The following MAP3K7 variants were observed in gnomAD, a reference collection of about 807,000 sequenced individuals.
MAP3K7 encodes TGF-beta activated kinase 1.
MAP3K7 carries 21 observed loss-of-function variants against 84.8 expected under a neutral mutation model. The ratio of observed to expected loss-of-function variants is 0.25; its 90% CI spans 0.18 to 0.36. The LOEUF (loss-of-function observed/expected upper bound fraction) is 0.36, where lower values mean the gene tolerates loss of function less well. Ranked by LOEUF, MAP3K7 falls within the 10% of genes least tolerant of loss-of-function variation. The pLI is 1.00. For synonymous variants in MAP3K7, 241 were observed against 247.7 expected (o/e 0.97, Z 0.25); for missense variants, 503 against 747.7 (o/e 0.67, Z 3.82).
At chr6:90,547,926 A>G in intron 10 of MAP3K7, 121 bp downstream of exon 10, 1 of 769,974 alleles carries the variant, frequency 1.3e-6, no homozygotes, top group Middle Eastern at 4.0e-4. Flanking sequence ...GCTCTTTTGC[A>G]TGTTTCAGGA....
intron 14 of MAP3K7, among the ~76,000 whole-genome samples, chr6:90,520,049 C>T (rs957582455): frequency 2.0e-5 from 3 of 152,002 alleles, no homozygotes; most frequent in African/African-American, 7.2e-5. Flanking sequence ...GGTAAAACTG[C>T]CATACAACTT....
rs757425107 is a variant in MAP3K7 at position 90,561,619 on chromosome 6, C to T, written c.343+3G>A. The T allele has an allele frequency of 1.2e-5, 19 of 1,604,958 alleles. No homozygotes were observed. In the East Asian group the frequency reaches 4.2e-4, roughly 36 times the overall value. ...AGATAAAGACAGGTCTAATGACACT[C>T]ACCATTATATAAAGAGCCCCCTTCA... On this transcript the variant is annotated splice_donor_region_variant and intron_variant, in intron 4 of 16. Transcript: ENST00000369329.
chr6:90,572,607 C>A (rs780474038), intron 1 of MAP3K7, among the ~76,000 whole-genome samples: 40 of 150,858 alleles, frequency 2.7e-4, no homozygotes, highest in Non-Finnish European at 5.2e-4. Context: ...ATGGTGGTGG[C>A]TGACAACCTG....
intron 12 of MAP3K7, among the ~76,000 whole-genome samples, chr6:90,538,014 G>A (rs1775734282): frequency 1.3e-5 from 2 of 151,986 alleles, no homozygotes; most frequent in South Asian, 4.1e-4. Context: ...TAGGTGGAAG[G>A]ATAGGAGAAA....
At chr6:90,551,096 T>C (rs1010460563) in intron 8 of MAP3K7, 5 of 152,578 alleles carry the variant, frequency 3.3e-5, no homozygotes, top group East Asian at 1.9e-4. Context: ...CAATAACTTA[T>C]ATATCCTAAA....
chr6:90,584,653 A>T (rs1777383163), intron 1 of MAP3K7, among the ~76,000 whole-genome samples: 2 of 152,180 alleles, frequency 1.3e-5, no homozygotes, highest in South Asian at 4.1e-4. Flanking sequence ...CTGAATCAAG[A>T]ATGTAAAAAG....
chr6:90,518,258 C>G (rs1775034154), intron 16 of MAP3K7, among the ~76,000 whole-genome samples, 189 bp downstream of exon 16: 1 of 151,640 alleles, frequency 6.6e-6, no homozygotes, highest in Admixed American at 6.6e-5. Flanking sequence ...TTTTCCATAG[C>G]ACTAATATGA....
At chr6:90,548,242 A>T in intron 9 of MAP3K7, 65 bp from the exon 10 acceptor site, 1 of 1,377,830 alleles carries the variant, frequency 7.3e-7, no homozygotes, top group South Asian at 1.4e-5. Context: ...ACTTGGTATT[A>T]TGTAACTTAC....
intron 12 of MAP3K7, chr6:90,542,354 C>G (rs942091754): frequency 2.0e-6 from 2 of 984,052 alleles, no homozygotes; most frequent in Non-Finnish European, 1.2e-6. Flanking sequence ...TGTTTGATAT[C>G]TGAGGGGGGA....
At chr6:90,572,158 G>A in intron 1 of MAP3K7, among the ~76,000 whole-genome samples, 1 of 151,218 alleles carries the variant, frequency 6.6e-6, no homozygotes, top group South Asian at 2.1e-4. Flanking sequence ...GACAGAAGAT[G>A]ATATGGAAAA....
chr6:90,548,003 C>A, intron 10 of MAP3K7, 44 bp downstream of exon 10: 1 of 1,521,784 alleles, frequency 6.6e-7, no homozygotes. Context: ...AATATTGTGA[C>A]TACTGGTAAG....
At chr6:90,532,254 G>A (rs1775533412) in intron 13 of MAP3K7, among the ~76,000 whole-genome samples, 1 of 152,160 alleles carries the variant, frequency 6.6e-6, no homozygotes, top group Non-Finnish European at 1.5e-5. Context: ...GAACGCTGGT[G>A]GATTTTACTT....
In MAP3K7 at chr6:90,514,901, T is replaced by C. The variant is rs1490186094; in HGVS notation, c.*1600A>G. ...TTTAAATTAAATGACAGAAGACATT[T>C]ATTTCCAGGAAGCTTTCTAAAATAG... is the stretch of plus-strand genomic sequence containing the variant. On this transcript the variant is annotated 3_prime_UTR_variant, in exon 17 of 17. Transcript: ENST00000369329. 6.6e-6 allele frequency: 1 copy of C among 152,050 alleles called. No individual in the cohort carries two copies. Among genetic ancestry groups the C allele is most frequent in the Non-Finnish European group, 1.5e-5 (1 of 67,938 alleles). The allele number at this position is 152,050 out of a possible 1,614,324, so 9.4% of individuals were successfully genotyped here. A position where few individuals can be genotyped will look rare whatever the true frequency, so the allele number is the denominator to read the frequency against.
chr6:90,554,910 G>T (rs1582206905), intron 6 of MAP3K7, among the ~76,000 whole-genome samples: 1 of 152,136 alleles, frequency 6.6e-6, no homozygotes, highest in African/African-American at 2.4e-5. Context: ...CTCCACTCAG[G>T]TGACTAGTTG....
intron 6 of MAP3K7, among the ~76,000 whole-genome samples, chr6:90,555,644 C>T (rs912661260): frequency 6.6e-6 from 1 of 152,166 alleles, no homozygotes; most frequent in Non-Finnish European, 1.5e-5. Context: ...ACAGTTAATT[C>T]TCATTATTCC....
At chr6:90,531,770 G>T (rs150123) in intron 13 of MAP3K7, among the ~76,000 whole-genome samples, 107,192 of 151,784 alleles carry the variant, frequency 0.71, 38,199 homozygotes, top group Middle Eastern at 0.79. Flanking sequence ...CTGGGCAACA[G>T]GGTGAAACCC....
intron 13 of MAP3K7, among the ~76,000 whole-genome samples, chr6:90,524,690 G>A (rs1775262404): frequency 6.6e-6 from 1 of 152,106 alleles, no homozygotes; most frequent in African/African-American, 2.4e-5. Context: ...TTACTTGATA[G>A]AAGGATCAAG....
In MAP3K7 at chr6:90,515,402, A is replaced by G. The variant is rs1482068967; in HGVS notation, c.*1099T>C. 2 of 152,000 alleles carry G rather than the reference A, an allele frequency of 1.3e-5. No homozygotes were observed. The highest frequency in any genetic ancestry group is 4.8e-5 in the African/African-American group (2 of 41,430). The allele number at this position is 152,000 out of a possible 1,614,324, so 9.4% of individuals were successfully genotyped here. ...CTCTGTAAGTGTTGAAATTCTCTTG[A>G]AAGTGTTGAAAGGCGGCAGGCATTC... On this transcript the variant is annotated 3_prime_UTR_variant, in exon 17 of 17. Coordinates refer to ENST00000369329, the MANE Select transcript of MAP3K7 (RefSeq NM_145331.3).
intron 2 of MAP3K7, among the ~76,000 whole-genome samples, chr6:90,569,997 T>G (rs1776846560): frequency 6.6e-6 from 1 of 152,152 alleles, no homozygotes; most frequent in Non-Finnish European, 1.5e-5. Flanking sequence ...GTGTGGATTT[T>G]TCGTCCAATA....
Sources: gnomAD v4.1 joint callset for allele counts (sites outside exome capture counted in the v4.1 genomes callset) on GRCh38, gnomAD v4.1.1 for gene constraint, MANE v1.5 for transcripts, NCBI Gene and HGNC (gene_info 2026-07-23, HGNC 2026-07-21) for gene names.